HELLS: variants seen among roughly 807,000 people sequenced by gnomAD.
HELLS encodes the protein helicase, lymphoid specific, also known as lymphoid-specific helicase.
HELLS carries 32 observed loss-of-function variants against 120.0 expected under a neutral mutation model. That is an observed-to-expected ratio of 0.27 (90% CI 0.20 to 0.36). HELLS has a LOEUF of 0.36. Among genes scored for constraint, HELLS ranks in the 10% least tolerant of loss-of-function variants. HELLS has a pLI of 1.00. For synonymous variants in HELLS, 341 were observed against 323.4 expected (o/e 1.05, Z -0.58); for missense variants, 650 against 993.4 (o/e 0.65, Z 4.65).
intron 13 of HELLS, 87 bp downstream of exon 13, chr10:94,588,477 T>A: frequency 1.0e-6 from 1 of 977,704 alleles, no homozygotes; most frequent in South Asian, 1.9e-5. Context: ...AAGGTGTCGC[T>A]CTGTCACCCA....
At position 94,574,146 on chromosome 10, in the gene HELLS, G is replaced by A. The variant is rs753493390; in HGVS notation, c.664G>A (p.Val222Met). 6.2e-7 allele frequency: 1 copy of A among 1,613,918 alleles called. No individual in the cohort carries two copies. Among genetic ancestry groups the A allele is most frequent in the African/African-American group, 1.3e-5 (1 of 74,928 alleles). ...ACAACCAAAGCACTTCACTGGAGGA[G>A]TGATGCGATGGTACCAAGTAGAAGG... is the stretch of plus-strand genomic sequence containing the variant. ...FQQPKHFTGG[V>M]MRWYQVEGME... The change falls in exon 8 of 22, where the codon GTG (valine) becomes ATG (methionine). Residue 222 changes from valine to methionine, a missense_variant. Coordinates refer to ENST00000348459, the MANE Select transcript of HELLS (RefSeq NM_018063.5).
chr10:94,550,470 C>T (rs1359120217), intron 2 of HELLS, among the ~76,000 whole-genome samples: 4 of 151,772 alleles, frequency 2.6e-5, no homozygotes, highest in South Asian at 2.1e-4. Context: ...TTAGTAAAGA[C>T]GGGGTTTCAA....
At position 94,601,871 on chromosome 10, in the gene HELLS, TACTTAACCACTTCC is replaced by T. The variant is rs942880175; in HGVS notation, c.*251_*264del. ...GTATTCTTGGATACAGGCTGATGTG[TACTTAACCACTTCC>T]AGATTTATACAGTCTTCCTGTGGAA... is the stretch of plus-strand genomic sequence containing the variant. On this transcript the variant is annotated 3_prime_UTR_variant, in exon 22 of 22. Transcript: ENST00000348459. 2 of 252,578 alleles carry T rather than the reference TACTTAACCACTTCC, an allele frequency of 7.9e-6. No individual in the cohort carries two copies. The highest frequency in any genetic ancestry group is 4.5e-5 in the African/African-American group (2 of 44,046). 15.6% of individuals were successfully genotyped at this position (252,578 alleles called of 1,614,324 possible).
chr10:94,577,980 G>C (rs1049748974), intron 10 of HELLS, among the ~76,000 whole-genome samples: 1 of 151,324 alleles, frequency 6.6e-6, no homozygotes, highest in African/African-American at 2.4e-5. Flanking sequence ...GGAGAATGGC[G>C]TGAACCCGGG....
chr10:94,580,187 T>TCACACACACACA (rs1564602849), intron 10 of HELLS, among the ~76,000 whole-genome samples: 1 of 47,544 alleles, frequency 2.1e-5, no homozygotes, highest in African/African-American at 7.0e-5. Flanking sequence ...ACACACACAT[T>TCACACACACACA]TTTTTTTTTT....
downstream of HELLS, among the ~76,000 whole-genome samples, chr10:94,604,029 T>A (rs996230260): frequency 6.6e-6 from 1 of 152,170 alleles, no homozygotes; most frequent in Non-Finnish European, 1.5e-5. Flanking sequence ...GGTTTCACCA[T>A]GTTGGTAAGG....
At chr10:94,613,161 G>A (rs1259388578) in exon 10 of HELLS, 1 of 152,140 alleles carries the variant, frequency 6.6e-6, no homozygotes, top group Admixed American at 6.6e-5. Flanking sequence ...TTTTCAGAAC[G>A]ATTGTGAGTT....
At chr10:94,566,266 A>G (rs1302755205) in intron 6 of HELLS, among the ~76,000 whole-genome samples, 1 of 152,202 alleles carries the variant, frequency 6.6e-6, no homozygotes, top group Non-Finnish European at 1.5e-5. Flanking sequence ...TGAAAAGGAA[A>G]TGATATCTGT....
intron 12 of HELLS, among the ~76,000 whole-genome samples, chr10:94,585,361 T>G (rs1201958977): frequency 6.4e-5 from 7 of 109,774 alleles, no homozygotes; most frequent in Non-Finnish European, 1.1e-4. Flanking sequence ...TTTTTTGTTT[T>G]GTTTTTTTTT....
intron 7 of HELLS, 52 bp from the exon 8 acceptor site, chr10:94,573,908 C>A: frequency 1.0e-6 from 1 of 957,872 alleles, no homozygotes; most frequent in Non-Finnish European, 1.6e-6. Context: ...TAAATGGTGG[C>A]ATACAGCAGC....
At chr10:94,580,735 T>TATATTTCCAGAAATACTTC (rs1197653071) in intron 10 of HELLS, among the ~76,000 whole-genome samples, 3 of 152,186 alleles carry the variant, frequency 2.0e-5, no homozygotes, top group African/African-American at 7.2e-5. Context: ...GATTGTTATT[T>TATATTTCCAGAAATACTTC]ATATTTCCAG....
At position 94,590,399 on chromosome 10, in the gene HELLS, TC is replaced by T; in HGVS notation, c.1489-13del. The T allele has an allele frequency of 6.3e-7, 1 of 1,588,794 alleles. No individual in the cohort carries two copies. Among genetic ancestry groups the T allele is most frequent in the Non-Finnish European group, 8.5e-7 (1 of 1,173,236 alleles). On this transcript the variant is annotated splice_polypyrimidine_tract_variant and intron_variant, in intron 13 of 21. Transcript: ENST00000348459. ...CTTTATAAACTGAATTTCTTTTAAT[TC>T]GTTCCCTTTTAGAAAGAAACAATTG...
In HELLS at chr10:94,594,864, A is replaced by C. The variant is rs762801213; in HGVS notation, c.2248+10A>C. ...TTGATCATCCATAAAAGTAAATAAC[A>C]CTTATGTAGTGCTTTATTGTTTAAA... On this transcript the variant is annotated intron_variant, in intron 19 of 21. Transcript: ENST00000348459. 2.5e-6 allele frequency: 4 copies of C among 1,581,528 alleles called. No homozygotes were observed. The highest frequency in any genetic ancestry group is 3.5e-6 in the Non-Finnish European group (4 of 1,153,770).
chr10:94,580,145 ATATATATAT>A (rs1167531952), intron 10 of HELLS, among the ~76,000 whole-genome samples: 1 of 73,346 alleles, frequency 1.4e-5, no homozygotes, highest in African/African-American at 7.4e-5. Context: ...ATATATATAT[ATATATATAT>A]ATATATATAC....
intron 17 of HELLS, among the ~76,000 whole-genome samples, chr10:94,593,128 A>G (rs1195576597): frequency 1.3e-5 from 2 of 152,334 alleles, no homozygotes; most frequent in East Asian, 1.9e-4. Flanking sequence ...CCTAACCCCT[A>G]TTAAGATATA....
chr10:94,611,719 A>T (rs1455579201), exon 10 of HELLS: 2 of 152,204 alleles, frequency 1.3e-5, no homozygotes, highest in Admixed American at 6.5e-5. Context: ...AGGCTTGAGA[A>T]ATTTTAAGTG....
At chr10:94,588,878 GGCTCATGCCTGT>G (rs1432661912) in intron 13 of HELLS, among the ~76,000 whole-genome samples, 1 of 152,170 alleles carries the variant, frequency 6.6e-6, no homozygotes, top group Non-Finnish European at 1.5e-5. Context: ...CAGGCACGGT[GGCTCATGCCTGT>G]TATCCCAGCA....
chr10:94,574,286 A>G (rs1844327494), intron 8 of HELLS, 99 bp downstream of exon 8: 7 of 806,360 alleles, frequency 8.7e-6, no homozygotes, highest in Non-Finnish European at 1.2e-5. Context: ...ATCATGTTTC[A>G]CTATTATACA....
chr10:94,587,166 T>C lies in HELLS; in HGVS notation c.1327-1063T>C, dbSNP rs1487900496. On this transcript the variant is annotated intron_variant, in intron 12 of 21. Coordinates refer to ENST00000348459, the MANE Select transcript of HELLS (RefSeq NM_018063.5). ...TTTAAGCCTGAAACTTTAGAACTTA[T>C]AGAAGGAAACTTGTATGTCTGCATC... Among the ~76,000 whole-genome samples the C allele has an allele frequency of 3.3e-5, 5 of 152,306 alleles. No individual in the cohort carries two copies. The South Asian group carries it at 6.2e-4, about 19-fold the overall frequency.
Sources: gnomAD v4.1 joint callset for allele counts (sites outside exome capture counted in the v4.1 genomes callset) on GRCh38, gnomAD v4.1.1 for gene constraint, MANE v1.5 for transcripts, NCBI Gene and HGNC (gene_info 2026-07-23, HGNC 2026-07-21) for gene names.